Variants in RALGAPA1 observed in about 807,000 individuals in gnomAD.
The protein encoded by RALGAPA1 is Ral GTPase activating protein catalytic subunit alpha 1, also known as ral GTPase-activating protein subunit alpha-1.
In RALGAPA1, 52 loss-of-function variants were observed where a neutral mutation model predicts 269.6. The observed-to-expected ratio is 0.19, with a 90% CI of 0.15 to 0.24. RALGAPA1 has a LOEUF of 0.24. RALGAPA1 is among the 10% of genes least tolerant of loss of function. The probability of loss-of-function intolerance (pLI) is 1.00; values close to 1 mark genes in which losing one functional copy is unlikely to be tolerated. For missense variants in RALGAPA1, 1,917 were observed against 3,013.9 expected (o/e 0.64, Z 8.52); for synonymous variants, 817 against 1,008.3 (o/e 0.81, Z 3.60).
chr14:35,711,700 GC>G (rs2068359253), intron 16 of RALGAPA1, among the ~76,000 whole-genome samples: 1 of 151,892 alleles, frequency 6.6e-6, no homozygotes. Context: ...CAGCCACCTG[GC>G]CTCCCACCTG....
chr14:35,742,612 C>A, intron 10 of RALGAPA1, 47 bp from the exon 11 acceptor site: 1 of 1,316,650 alleles, frequency 7.6e-7, no homozygotes, highest in South Asian at 1.2e-5. Flanking sequence ...TTTCCTTTGC[C>A]ACAAACCACT....
intron 39 of RALGAPA1, among the ~76,000 whole-genome samples, chr14:35,568,428 T>A (rs897254425): frequency 6.6e-6 from 1 of 151,592 alleles, no homozygotes; most frequent in African/African-American, 2.4e-5. Context: ...AAAATCAGAA[T>A]AATAAAAATT....
intron 21 of RALGAPA1, among the ~76,000 whole-genome samples, chr14:35,680,975 GT>G (rs943641456): frequency 6.6e-6 from 1 of 151,978 alleles, no homozygotes; most frequent in Non-Finnish European, 1.5e-5. Context: ...CTCTTGAACG[GT>G]TTTTTTAAAG....
At chr14:35,572,828 T>C in intron 37 of RALGAPA1, 110 bp from the exon 38 acceptor site, 1 of 717,524 alleles carries the variant, frequency 1.4e-6, no homozygotes, top group Non-Finnish European at 2.1e-6. Flanking sequence ...ATTGTTAAAT[T>C]GCACTTGATC....
At chr14:35,563,560 G>A (rs1355504785) in intron 39 of RALGAPA1, among the ~76,000 whole-genome samples, 1 of 151,996 alleles carries the variant, frequency 6.6e-6, no homozygotes. Flanking sequence ...TTGCTTCCAG[G>A]TCATCAAAAA....
intron 35 of RALGAPA1, among the ~76,000 whole-genome samples, chr14:35,618,718 C>T (rs576416209): frequency 1.3e-5 from 2 of 152,004 alleles, no homozygotes; most frequent in Non-Finnish European, 2.9e-5. Context: ...CAATAAAATG[C>T]TTAAAATCAA....
rs763381836 is a variant in RALGAPA1, at chr14:35,690,022, T to A, written c.2408-19A>T. 7.4e-6 allele frequency: 11 copies of A among 1,481,776 alleles called. No homozygotes were observed. The highest frequency in any genetic ancestry group is 1.8e-4 in the Middle Eastern group (1 of 5,522). 91.8% of individuals were successfully genotyped at this position (1,481,776 alleles called of 1,614,324 possible). ...TCAATATCTGTAAAAGAAAAAAAAA[T>A]TATGTAGAGAAGAACTACACAAATA... On this transcript the variant is annotated intron_variant, in intron 17 of 41. Coordinates refer to ENST00000680220, the MANE Select transcript of RALGAPA1 (RefSeq NM_001346249.2).
At chr14:35,564,376 G>A (rs2056529342) in intron 39 of RALGAPA1, 1 of 152,100 alleles carries the variant, frequency 6.6e-6, no homozygotes, top group African/African-American at 2.4e-5. Context: ...CCCCCAAAAG[G>A]TTTTATAATG....
At chr14:35,708,671 A>G (rs951221843) in intron 16 of RALGAPA1, among the ~76,000 whole-genome samples, 4 of 152,196 alleles carry the variant, frequency 2.6e-5, no homozygotes, top group African/African-American at 9.6e-5. Flanking sequence ...TAGTACAACC[A>G]CTATGGAGAA....
Position 35,682,370 on chromosome 14 carries a change from G to C in RALGAPA1, c.4471+1439C>G, listed in dbSNP as rs1030425706. Among the ~76,000 whole-genome samples, 27 of 150,784 alleles carry C rather than the reference G, an allele frequency of 1.8e-4. 1 individual carries two copies. Among genetic ancestry groups the C allele is most frequent in the Middle Eastern group, 3.4e-3 (1 of 294 alleles). ...GGCTGGAGTGCAGTGGTGTGATCTTGGCTCACTGCAAGCTCTGCCTCCCGG... is the reference window on the plus strand; with the variant it reads ...GGCTGGAGTGCAGTGGTGTGATCTTCGCTCACTGCAAGCTCTGCCTCCCGG... On this transcript the variant is annotated intron_variant, in intron 21 of 41. Transcript: ENST00000680220.
chr14:35,572,592 T>C lies in RALGAPA1; in HGVS notation c.7336A>G (p.Met2446Val). The C allele has an allele frequency of 6.2e-7, 1 of 1,604,822 alleles. No individual in the cohort carries two copies. Among genetic ancestry groups the C allele is most frequent in the Non-Finnish European group, 8.5e-7 (1 of 1,176,434 alleles). The change falls in exon 38 of 42, where the codon ATG becomes GTG. Residue 2446 changes from methionine to valine, a missense_variant. Coordinates refer to ENST00000680220, the MANE Select transcript of RALGAPA1 (RefSeq NM_001346249.2). ...TTTTTCATTATCTGAATACTGAACA[T>C]GTGATTTTTCATTGGATATATTACA... ...LIVIYPMKNH[M>V]FSIQIMKKPE... is the part of the protein sequence containing the mutation.
At chr14:35,731,900 A>G (rs2141046262) in intron 12 of RALGAPA1, among the ~76,000 whole-genome samples, 1 of 152,324 alleles carries the variant, frequency 6.6e-6, no homozygotes, top group Non-Finnish European at 1.5e-5. Flanking sequence ...TGGGAAATTC[A>G]CTGCAAAAAG....
chr14:35,622,138 A>G (rs2060671398), intron 35 of RALGAPA1, among the ~76,000 whole-genome samples: 1 of 152,322 alleles, frequency 6.6e-6, no homozygotes, highest in African/African-American at 2.4e-5. Context: ...TGATAGACTG[A>G]ATTAAGAAAC....
At chr14:35,638,211 T>C (rs1271586662) in intron 31 of RALGAPA1, among the ~76,000 whole-genome samples, 1 of 152,178 alleles carries the variant, frequency 6.6e-6, no homozygotes, top group South Asian at 2.1e-4. Flanking sequence ...ACTACTCATA[T>C]TGAAGTAGAA....
chr14:35,542,049 T>C (rs2054056978), intron 41 of RALGAPA1: 3 of 1,222,588 alleles, frequency 2.5e-6, no homozygotes, highest in South Asian at 2.5e-5. Flanking sequence ...CAAGTTCAAA[T>C]AGGAAAAAAG....
At chr14:35,637,464 G>A (rs559744407) in intron 31 of RALGAPA1, among the ~76,000 whole-genome samples, 3 of 152,096 alleles carry the variant, frequency 2.0e-5, no homozygotes, top group South Asian at 2.1e-4. Flanking sequence ...ATGGCAGAAC[G>A]GATAATGCAG....
chr14:35,766,547 T>C (rs919071671), intron 4 of RALGAPA1: 4 of 944,262 alleles, frequency 4.2e-6, no homozygotes, highest in Middle Eastern at 2.3e-4. Context: ...CAGCATCGAG[T>C]ATAGCAAGAT....
At chr14:35,628,322 G>C (rs1018598799) in intron 33 of RALGAPA1, among the ~76,000 whole-genome samples, 2 of 152,122 alleles carry the variant, frequency 1.3e-5, no homozygotes, top group African/African-American at 4.8e-5. Context: ...GGCTGAGGCG[G>C]GAGGATTGCT....
At chr14:35,667,329 C>T (rs1050560024) in intron 26 of RALGAPA1, among the ~76,000 whole-genome samples, 1 of 152,080 alleles carries the variant, frequency 6.6e-6, no homozygotes, top group South Asian at 2.1e-4. Context: ...ACCCGGGAGG[C>T]GGAAGTTACA....
Sources: allele counts gnomAD v4.1 joint callset (sites outside exome capture counted in the v4.1 genomes callset), GRCh38; gene constraint gnomAD v4.1.1; transcripts MANE v1.5; gene names NCBI Gene and HGNC (gene_info 2026-07-23, HGNC 2026-07-21).